The following ANO3 variants were observed in gnomAD, a reference collection of about 807,000 sequenced individuals.
ANO3 encodes anoctamin-3.
ANO3 carries 99 observed loss-of-function variants against 144.8 expected under a neutral mutation model. The ratio of observed to expected loss-of-function variants is 0.68; its 90% CI spans 0.58 to 0.81. The LOEUF (loss-of-function observed/expected upper bound fraction) is 0.81, where lower values mean the gene tolerates loss of function less well. Ranked by LOEUF, ANO3 falls within the 30% of genes least tolerant of loss-of-function variation. The pLI, the probability that ANO3 is intolerant of heterozygous loss-of-function variation, is 0.00. For synonymous variants in ANO3, 414 were observed against 392.6 expected (o/e 1.05, Z -0.64); for missense variants, 905 against 1,202.2 (o/e 0.75, Z 3.66).
intron 1 of ANO3, among the ~76,000 whole-genome samples, chr11:26,336,280 C>T (rs1855190829): frequency 6.6e-6 from 1 of 152,170 alleles, no homozygotes; most frequent in East Asian, 1.9e-4. Context: ...GCTACCAAGA[C>T]TTTTCATAGA....
At chr11:26,328,966 A>G (rs1854962078), upstream of ANO3, among the ~76,000 whole-genome samples, 1 of 152,110 alleles carries the variant, frequency 6.6e-6, no homozygotes, top group African/African-American at 2.4e-5. Context: ...ACTTTGGAAA[A>G]CAGAGTCAAG....
intron 1 of ANO3, among the ~76,000 whole-genome samples, chr11:26,311,020 T>A (rs1854490278): frequency 6.6e-6 from 1 of 152,130 alleles, no homozygotes; most frequent in Non-Finnish European, 1.5e-5. Context: ...TATTAAATAA[T>A]ACATACAGGT....
intron 1 of ANO3, among the ~76,000 whole-genome samples, chr11:26,387,513 TCAAATA>T (rs1856767500): frequency 6.6e-6 from 1 of 151,624 alleles, no homozygotes; most frequent in South Asian, 2.1e-4. Context: ...CGTGAATTTC[TCAAATA>T]CAATTTAATG....
At position 26,410,905 on chromosome 11, in the gene ANO3, G is replaced by A. The variant is rs75625025; in HGVS notation, c.47-31013G>A. 9.5e-3 allele frequency among the ~76,000 whole-genome samples: 1,451 copies of A among 152,066 alleles called. 18 individuals are homozygous for A. The highest frequency in any genetic ancestry group is 0.032 in the African/African-American group (1,331 of 41,542). On this transcript the variant is annotated intron_variant, in intron 1 of 26. Coordinates refer to ENST00000256737, the MANE Select transcript of ANO3 (RefSeq NM_031418.4). ...TGTTGGGAGGATAGGCTGCCTGTGC[G>A]CTCAAGATATTGCCAGCTGTCAGAA...
chr11:26,224,812 C>T (rs1852223399), intron 1 of ANO3, among the ~76,000 whole-genome samples: 1 of 152,140 alleles, frequency 6.6e-6, no homozygotes, highest in Non-Finnish European at 1.5e-5. Context: ...GCAATGTATG[C>T]TGGGCTTTGA....
intron 23 of ANO3, among the ~76,000 whole-genome samples, chr11:26,646,248 A>T (rs1250451246): frequency 2.0e-5 from 3 of 152,172 alleles, no homozygotes; most frequent in Non-Finnish European, 4.4e-5. Context: ...GAATAGTAAT[A>T]TTCATAATAC....
chr11:26,658,628 A>G (rs926938051), intron 26 of ANO3, among the ~76,000 whole-genome samples: 2 of 152,138 alleles, frequency 1.3e-5, no homozygotes, highest in Non-Finnish European at 2.9e-5. Flanking sequence ...AGCTATACTG[A>G]ATTATTTTTT....
At chr11:26,197,953 G>A (rs1851622078) in intron 1 of ANO3, among the ~76,000 whole-genome samples, 1 of 152,106 alleles carries the variant, frequency 6.6e-6, no homozygotes, top group Non-Finnish European at 1.5e-5. Flanking sequence ...GCCCACCTGT[G>A]GAGCCCCTGT....
intron 1 of ANO3, chr11:26,208,375 T>C (rs1181280531): frequency 1.3e-5 from 2 of 152,144 alleles, no homozygotes; most frequent in Non-Finnish European, 2.9e-5. Context: ...TAGCCGGGCG[T>C]GGTGGCAGGC....
intron 1 of ANO3, among the ~76,000 whole-genome samples, chr11:26,424,994 C>T (rs1223356172): frequency 4.4e-5 from 6 of 135,870 alleles, no homozygotes; most frequent in Admixed American, 7.0e-5. Context: ...CCCATTAACT[C>T]GTCATTTACA....
At chr11:26,620,143 C>T (rs901495601) in intron 17 of ANO3, among the ~76,000 whole-genome samples, 3 of 152,050 alleles carry the variant, frequency 2.0e-5, no homozygotes, top group South Asian at 2.1e-4. Flanking sequence ...ATATGCTGCT[C>T]GAAGGTGCCA....
chr11:26,240,103 T>C (rs1337566969), intron 1 of ANO3, among the ~76,000 whole-genome samples: 3 of 152,198 alleles, frequency 2.0e-5, no homozygotes, highest in African/African-American at 4.8e-5. Context: ...CACATAATTT[T>C]TCATCTACAA....
At chr11:26,483,950 C>G (rs550544446) in intron 4 of ANO3, among the ~76,000 whole-genome samples, 1 of 152,238 alleles carries the variant, frequency 6.6e-6, no homozygotes, top group East Asian at 1.9e-4. Context: ...TTATTGGGAA[C>G]TTGAGTAAAT....
intron 1 of ANO3, among the ~76,000 whole-genome samples, chr11:26,316,364 C>T (rs1370612810): frequency 6.6e-6 from 1 of 152,100 alleles, no homozygotes; most frequent in Non-Finnish European, 1.5e-5. Context: ...GAGATGGTCC[C>T]ATGGGATGAA....
At chr11:26,269,497 T>C (rs548315146) in intron 1 of ANO3, among the ~76,000 whole-genome samples, 1 of 152,252 alleles carries the variant, frequency 6.6e-6, no homozygotes, top group South Asian at 2.1e-4. Context: ...CGTTACTCCA[T>C]GGGGGAAAAT....
At chr11:26,292,220 A>T (rs1465819763) in intron 1 of ANO3, among the ~76,000 whole-genome samples, 1 of 152,266 alleles carries the variant, frequency 6.6e-6, no homozygotes, top group South Asian at 2.1e-4. Context: ...ACACTTGTGC[A>T]TGCATCACAT....
chr11:26,559,346 G>C (rs1008543363), intron 13 of ANO3: 1 of 171,446 alleles, frequency 5.8e-6, no homozygotes, highest in Non-Finnish European at 1.3e-5. Context: ...TTTGCTAACA[G>C]GAATTGCAAC....
At chr11:26,531,851 G>A (rs1246396146) in intron 8 of ANO3, among the ~76,000 whole-genome samples, 3 of 151,924 alleles carry the variant, frequency 2.0e-5, no homozygotes, top group Non-Finnish European at 1.5e-5. Context: ...ATACATACCT[G>A]TTTATTTATT....
chr11:26,326,930 T>C lies in ANO3; in HGVS notation c.-3+17211T>C, dbSNP rs575247697. On this transcript the variant is annotated intron_variant, in intron 1 of 26. Coordinates refer to the ANO3 transcript ENST00000525139. Reference sequence around the variant, plus strand: ...AGAGCTTATAAAGTTGGGCAGAGCCTGGCTAATAAATCAACAATTATTACA... The same window carrying C: ...AGAGCTTATAAAGTTGGGCAGAGCCCGGCTAATAAATCAACAATTATTACA... Among the ~76,000 whole-genome samples, 8 of 152,344 alleles carry C rather than the reference T, an allele frequency of 5.3e-5. No individual in the cohort carries two copies. The East Asian group carries it at 1.5e-3, about 29-fold the overall frequency.
Sources: gnomAD v4.1 joint callset for allele counts (sites outside exome capture counted in the v4.1 genomes callset) on GRCh38, gnomAD v4.1.1 for gene constraint, MANE v1.5 for transcripts, NCBI Gene and HGNC (gene_info 2026-07-23, HGNC 2026-07-21) for gene names.